The following DLG2 variants were observed in gnomAD, a reference collection of about 807,000 sequenced individuals.
The protein encoded by DLG2 is discs large MAGUK scaffold protein 2.
DLG2 carries 45 observed loss-of-function variants against 132.5 expected under a neutral mutation model. The observed-to-expected ratio is 0.34, with a 90% CI of 0.27 to 0.44. The LOEUF (loss-of-function observed/expected upper bound fraction) is 0.44, where lower values mean the gene tolerates loss of function less well. DLG2 is among the 20% of genes least tolerant of loss of function. DLG2 has a pLI of 1.00. For synonymous variants in DLG2, 424 were observed against 419.6 expected (o/e 1.01, Z -0.13); for missense variants, 1,045 against 1,196.9 (o/e 0.87, Z 1.87).
intron 15 of DLG2, among the ~76,000 whole-genome samples, chr11:83,876,567 A>AT (rs1281284663): frequency 6.6e-6 from 1 of 152,136 alleles, no homozygotes; most frequent in African/African-American, 2.4e-5. Flanking sequence ...CTTCTTTCAC[A>AT]TTTTACCGAG....
intron 7 of DLG2, among the ~76,000 whole-genome samples, chr11:84,351,874 T>C (rs546180353): frequency 4.6e-5 from 7 of 152,264 alleles, no homozygotes; most frequent in Non-Finnish European, 8.8e-5. Context: ...TAAATCCATA[T>C]AGTAATTAAA....
intron 6 of DLG2, among the ~76,000 whole-genome samples, chr11:85,093,989 A>T (rs1403463737): frequency 6.6e-6 from 1 of 152,254 alleles, no homozygotes; most frequent in East Asian, 1.9e-4. Context: ...GATGCAACTA[A>T]TATGATGCAG....
intron 9 of DLG2, among the ~76,000 whole-genome samples, chr11:84,110,356 G>A (rs576111930): frequency 3.0e-4 from 46 of 152,194 alleles, no homozygotes; most frequent in African/African-American, 9.9e-4. Context: ...CCACACCCCA[G>A]AGAAGCCAGG....
In DLG2 at chr11:84,703,870, A is replaced by ATATATATATATATG. The variant is rs1555174846; in HGVS notation, c.358-169140_358-169139insCATATATATATATA. ...CTATGTAGTGAAGATATATATATAT[A>ATATATATATATATG]TATATATATATATACACGTGTGTGT... On this transcript the variant is annotated intron_variant, in intron 6 of 27. Coordinates refer to ENST00000376104, the MANE Select transcript of DLG2 (RefSeq NM_001142699.3). Among the ~76,000 whole-genome samples, 119 of 122,750 alleles carry ATATATATATATATG rather than the reference A, an allele frequency of 9.7e-4. 5 individuals are homozygous for ATATATATATATATG. The highest frequency in any genetic ancestry group is 4.3e-3 in the African/African-American group (108 of 25,158). The allele number at this position is 122,750 out of a possible 152,430, so 80.5% of individuals were successfully genotyped here.
At chr11:83,695,788 A>G (rs117840035) in intron 18 of DLG2, among the ~76,000 whole-genome samples, 1 of 152,226 alleles carries the variant, frequency 6.6e-6, no homozygotes, top group East Asian at 1.9e-4. Context: ...GTCTACCTAG[A>G]AGGCCTAAGA....
At chr11:84,769,951 T>C (rs1489665644) in intron 6 of DLG2, among the ~76,000 whole-genome samples, 2 of 152,162 alleles carry the variant, frequency 1.3e-5, no homozygotes, top group African/African-American at 4.8e-5. Context: ...AAGAGTAACA[T>C]TATAAGAGAT....
rs375238064 is a variant in DLG2, at chr11:84,707,770, T to A, written c.358-173039A>T. Among the ~76,000 whole-genome samples the A allele has an allele frequency of 2.6e-5, 4 of 151,976 alleles. No individual in the cohort carries two copies. The East Asian group carries it at 5.8e-4, about 22-fold the overall frequency. ...CCCTCTGTACTATGTATACTCTGGCTTTCAAGATTTGACTAGGTAACATGC... is the reference window on the plus strand; with the variant it reads ...CCCTCTGTACTATGTATACTCTGGCATTCAAGATTTGACTAGGTAACATGC... On this transcript the variant is annotated intron_variant, in intron 6 of 27. Coordinates refer to ENST00000376104, the MANE Select transcript of DLG2 (RefSeq NM_001142699.3).
intron 10 of DLG2, among the ~76,000 whole-genome samples, chr11:84,067,787 A>G (rs1256298478): frequency 6.6e-6 from 1 of 152,218 alleles, no homozygotes; most frequent in East Asian, 1.9e-4. Flanking sequence ...TGACCTCATT[A>G]GGCATTATTA....
intron 3 of DLG2, among the ~76,000 whole-genome samples, chr11:85,409,880 C>G (rs2089156812): frequency 6.6e-6 from 1 of 151,806 alleles, no homozygotes; most frequent in Admixed American, 6.6e-5. Flanking sequence ...ATTATCATTA[C>G]TAGATGTTGG....
chr11:84,232,149 C>A (rs760459477), intron 8 of DLG2, among the ~76,000 whole-genome samples: 3 of 152,320 alleles, frequency 2.0e-5, no homozygotes, highest in Middle Eastern at 3.4e-3. Flanking sequence ...ATTCAGGTTA[C>A]AATTCTCGTA....
At chr11:84,723,197 T>A (rs182198613) in intron 6 of DLG2, among the ~76,000 whole-genome samples, 1 of 152,158 alleles carries the variant, frequency 6.6e-6, no homozygotes, top group Non-Finnish European at 1.5e-5. Context: ...GTATGCTCCA[T>A]ATTGTGATGT....
At chr11:85,571,815 T>C (rs1268869146) in intron 3 of DLG2, among the ~76,000 whole-genome samples, 2 of 152,204 alleles carry the variant, frequency 1.3e-5, no homozygotes, top group Non-Finnish European at 2.9e-5. Context: ...TTGACTAATG[T>C]ACCAGTACTG....
At chr11:84,618,425 T>C (rs2099608292) in intron 6 of DLG2, among the ~76,000 whole-genome samples, 1 of 152,034 alleles carries the variant, frequency 6.6e-6, no homozygotes. Flanking sequence ...ATCATCCTTT[T>C]AATGAATCTC....
rs550903442 is a variant in DLG2, at chr11:84,883,161, G to A, written c.357+228500C>T. Among the ~76,000 whole-genome samples, 204 of 152,176 alleles carry A rather than the reference G, an allele frequency of 1.3e-3. 1 individual carries two copies. The highest frequency in any genetic ancestry group is 4.6e-3 in the African/African-American group (190 of 41,536). Reference sequence around the variant, plus strand: ...AGGATGAGTTCATGTCCTTTGCAGGGACATGGATGAAGCTGGAAACCATCA... The same window carrying A: ...AGGATGAGTTCATGTCCTTTGCAGGAACATGGATGAAGCTGGAAACCATCA... On this transcript the variant is annotated intron_variant, in intron 6 of 27. Coordinates refer to ENST00000376104, the MANE Select transcript of DLG2 (RefSeq NM_001142699.3).
chr11:83,893,846 T>A (rs1280936149), intron 15 of DLG2, among the ~76,000 whole-genome samples: 1 of 152,200 alleles, frequency 6.6e-6, no homozygotes, highest in East Asian at 1.9e-4. Context: ...CTGCCTTGGT[T>A]CTTTGAAATA....
At chr11:84,308,836 G>A (rs2098258294) in intron 7 of DLG2, among the ~76,000 whole-genome samples, 1 of 152,184 alleles carries the variant, frequency 6.6e-6, no homozygotes, top group Non-Finnish European at 1.5e-5. Context: ...CCGAGTGCTG[G>A]GCCTGCAGAG....
At chr11:85,430,283 C>T (rs1190185216) in intron 3 of DLG2, among the ~76,000 whole-genome samples, 1 of 151,552 alleles carries the variant, frequency 6.6e-6, no homozygotes, top group Non-Finnish European at 1.5e-5. Context: ...AGCACACCAA[C>T]ATGGCACATA....
chr11:84,172,518 CTTATTTATTTATTTAT>C (rs71066098), intron 8 of DLG2, among the ~76,000 whole-genome samples: 4 of 134,448 alleles, frequency 3.0e-5, no homozygotes, highest in African/African-American at 7.8e-5. Context: ...TTTTTCCATT[CTTATTTATTTATTTAT>C]TTATTTATTT....
intron 6 of DLG2, among the ~76,000 whole-genome samples, chr11:84,883,343 A>G (rs919186485): frequency 6.6e-6 from 1 of 152,022 alleles, no homozygotes; most frequent in Non-Finnish European, 1.5e-5. Context: ...TAGCATTAAG[A>G]CAAATACCTA....
Sources: gnomAD v4.1 joint callset for allele counts (sites outside exome capture counted in the v4.1 genomes callset) on GRCh38, gnomAD v4.1.1 for gene constraint, MANE v1.5 for transcripts, NCBI Gene and HGNC (gene_info 2026-07-23, HGNC 2026-07-21) for gene names.